The following LPP variants were observed in gnomAD, a reference collection of about 807,000 sequenced individuals.
LPP encodes the protein lipoma-preferred partner.
A neutral mutation model predicts 60.4 loss-of-function variants in LPP; 38 were observed. That is an observed-to-expected ratio of 0.63 (90% CI 0.49 to 0.83). LPP has a LOEUF of 0.83. LPP is among the 40% of genes least tolerant of loss of function. The probability of loss-of-function intolerance (pLI) is 0.00; values close to 1 mark genes in which losing one functional copy is unlikely to be tolerated. For missense variants in LPP, 902 were observed against 783.6 expected (o/e 1.15, Z -1.80); for synonymous variants, 328 against 290.8 (o/e 1.13, Z -1.30).
At position 188,260,768 on chromosome 3, in the gene LPP, C is replaced by A. The variant is rs568471788; in HGVS notation, c.-67+35241C>A. 4.6e-5 allele frequency among the ~76,000 whole-genome samples: 7 copies of A among 152,216 alleles called. No individual in the cohort carries two copies. The East Asian group carries it at 1.4e-3, about 29-fold the overall frequency. ...TGTTTCTGGGCTGGGCGCGGTGGTT[C>A]ACGCCTGTAATCCCAGCACTTTGGG... On this transcript the variant is annotated intron_variant, in intron 2 of 11. Coordinates refer to ENST00000617246, the MANE Select transcript of LPP (RefSeq NM_001375462.1).
intron 4 of LPP, among the ~76,000 whole-genome samples, chr3:188,478,169 G>C (rs1179364755): frequency 1.3e-5 from 2 of 152,094 alleles, no homozygotes; most frequent in Admixed American, 1.3e-4. Flanking sequence ...AGGGAGCTTG[G>C]TCTCCTCCTC....
chr3:188,276,694 TTTC>T lies in LPP; in HGVS notation c.-67+51169_-67+51171del, dbSNP rs1739904821. On this transcript the variant is annotated intron_variant, in intron 2 of 11. Coordinates refer to ENST00000617246, the MANE Select transcript of LPP (RefSeq NM_001375462.1). ...GTCTCTCTCTCTCTCTCTCTCTCTC[TTTC>T]TCTCTCTCTCTCTCTCTCTCTCTCT... Among the ~76,000 whole-genome samples, 276 of 15,576 alleles carry T rather than the reference TTTC, an allele frequency of 0.018. No individual in the cohort carries two copies. The African/African-American group carries it at 0.18, about 10-fold the overall frequency. The allele number at this position is 15,576 out of a possible 152,430, so 10.2% of individuals were successfully genotyped here.
intron 7 of LPP, among the ~76,000 whole-genome samples, chr3:188,666,984 G>T (rs1855924854): frequency 6.6e-6 from 1 of 152,130 alleles, no homozygotes; most frequent in Non-Finnish European, 1.5e-5. Context: ...TCTGCACACA[G>T]TAAAACAGTG....
chr3:188,254,350 A>G (rs1730939155), intron 2 of LPP, among the ~76,000 whole-genome samples: 1 of 152,180 alleles, frequency 6.6e-6, no homozygotes, highest in African/African-American at 2.4e-5. Flanking sequence ...TGGTCAGTAC[A>G]GTTTGTATCT....
chr3:188,546,115 C>T (rs990963502), intron 6 of LPP, among the ~76,000 whole-genome samples: 1 of 152,056 alleles, frequency 6.6e-6, no homozygotes, highest in Non-Finnish European at 1.5e-5. Flanking sequence ...CCTGTGATGA[C>T]GTGGTCCTTC....
At chr3:188,478,966 C>A (rs1455485500) in intron 4 of LPP, among the ~76,000 whole-genome samples, 2 of 152,066 alleles carry the variant, frequency 1.3e-5, no homozygotes, top group Admixed American at 1.3e-4. Flanking sequence ...GTTGCCCAGG[C>A]TGGTCTTGAA....
intron 2 of LPP, among the ~76,000 whole-genome samples, chr3:188,275,785 C>G (rs1269353895): frequency 1.3e-5 from 2 of 152,118 alleles, no homozygotes; most frequent in African/African-American, 4.8e-5. Flanking sequence ...AAGCGATTCT[C>G]CTGCCTCAGC....
chr3:188,820,944 A>G (rs538593936), intron 9 of LPP, among the ~76,000 whole-genome samples: 3 of 152,068 alleles, frequency 2.0e-5, no homozygotes, highest in Non-Finnish European at 4.4e-5. Context: ...TGTCCATGTC[A>G]TCGTTTACAT....
At chr3:188,614,008 A>G (rs1386634165) in intron 7 of LPP, among the ~76,000 whole-genome samples, 1 of 151,212 alleles carries the variant, frequency 6.6e-6, no homozygotes, top group African/African-American at 2.4e-5. Context: ...GCTCACTGCA[A>G]CCTCCACCTC....
chr3:188,883,732 C>CAAAAA lies in LPP; in HGVS notation c.*9271_*9275dup, dbSNP rs71169028. ...TGGGCGACAGAACGAGACTCCGTCT[C>CAAAAA]AAAAAAAAAAAAAAAAAAAAAAGGT... is the stretch of plus-strand genomic sequence containing the variant. On this transcript the variant is annotated 3_prime_UTR_variant, in exon 12 of 12. Coordinates refer to ENST00000617246, the MANE Select transcript of LPP (RefSeq NM_001375462.1). The CAAAAA allele has an allele frequency of 8.1e-3, 564 of 69,964 alleles. 27 individuals carry two copies. Among genetic ancestry groups the CAAAAA allele is most frequent in the Middle Eastern group, 0.038 (5 of 132 alleles). The allele number at this position is 69,964 out of a possible 1,614,324, so 4.3% of individuals were successfully genotyped here.
chr3:188,240,089 G>C (rs555939387), intron 2 of LPP: 1 of 196,500 alleles, frequency 5.1e-6, no homozygotes, highest in Admixed American at 6.1e-5. Context: ...AGTTCATGGA[G>C]CTGGCAGATG....
At chr3:188,233,444 A>T (rs1010368207) in intron 2 of LPP, among the ~76,000 whole-genome samples, 2 of 152,144 alleles carry the variant, frequency 1.3e-5, no homozygotes, top group Non-Finnish European at 2.9e-5. Flanking sequence ...TCAGGATGAG[A>T]TCACCTCACC....
intron 7 of LPP, among the ~76,000 whole-genome samples, chr3:188,689,777 G>A (rs1030172505): frequency 3.9e-5 from 6 of 152,184 alleles, no homozygotes; most frequent in Admixed American, 6.5e-5. Flanking sequence ...CCACAGAAGT[G>A]AAGTGACTTG....
At chr3:188,329,884 A>G (rs892050996) in intron 2 of LPP, among the ~76,000 whole-genome samples, 2 of 152,200 alleles carry the variant, frequency 1.3e-5, no homozygotes, top group African/African-American at 4.8e-5. Flanking sequence ...GCCATTCTTT[A>G]CCTAAATTAA....
intron 7 of LPP, among the ~76,000 whole-genome samples, chr3:188,664,020 G>A (rs1052382096): frequency 1.3e-5 from 2 of 152,202 alleles, no homozygotes; most frequent in Non-Finnish European, 2.9e-5. Context: ...GGGGACACCT[G>A]TTACAGAATT....
At position 188,820,342 on chromosome 3, in the gene LPP, ACT is replaced by A. The variant is rs1239119364; in HGVS notation, c.1411-45856_1411-45855del. On this transcript the variant is annotated intron_variant, in intron 9 of 11. Coordinates refer to ENST00000617246, the MANE Select transcript of LPP (RefSeq NM_001375462.1). ...TTGAGTCAAGAACAGAGGAGAGGAGACTCAGGCTGAAAATGTCAAGTTATTTT... is the reference window on the plus strand; with the variant it reads ...TTGAGTCAAGAACAGAGGAGAGGAGACAGGCTGAAAATGTCAAGTTATTTT... Among the ~76,000 whole-genome samples, 67 of 151,482 alleles carry A rather than the reference ACT, an allele frequency of 4.4e-4. 1 individual carries two copies. Among genetic ancestry groups the A allele is most frequent in the Admixed American group, 4.4e-3 (67 of 15,160 alleles).
At chr3:188,439,739 C>A (rs1426807189) in intron 4 of LPP, among the ~76,000 whole-genome samples, 1 of 152,188 alleles carries the variant, frequency 6.6e-6, no homozygotes, top group East Asian at 1.9e-4. Flanking sequence ...ATCATAGGCA[C>A]TGAGGATGCA....
At chr3:188,616,577 T>G in intron 7 of LPP, among the ~76,000 whole-genome samples, 1 of 65,684 alleles carries the variant, frequency 1.5e-5, no homozygotes, top group Admixed American at 2.1e-4. Flanking sequence ...AGGCTCTTTT[T>G]CATTTCTATG....
rs1480360616 is a variant in LPP at position 188,250,776 on chromosome 3, T to TTCTGTCTGTCTTTCTTTC, written c.-67+25252_-67+25253insGTCTGTCTTTCTTTCTCT. On this transcript the variant is annotated intron_variant, in intron 2 of 11. Transcript: ENST00000617246. ...TTTCTTTCTTTCTTTCTTTCTTTCT[T>TTCTGTCTGTCTTTCTTTC]TCTTTCTTTCTGTCTTTCTCTTTCT... Among the ~76,000 whole-genome samples, 363 of 121,826 alleles carry TTCTGTCTGTCTTTCTTTC rather than the reference T, an allele frequency of 3.0e-3. 2 individuals carry two copies. Among genetic ancestry groups the TTCTGTCTGTCTTTCTTTC allele is most frequent in the African/African-American group, 0.011 (335 of 30,678 alleles). The allele number at this position is 121,826 out of a possible 152,430, so 79.9% of individuals were successfully genotyped here.
Sources: gnomAD v4.1 joint callset for allele counts (sites outside exome capture counted in the v4.1 genomes callset) on GRCh38, gnomAD v4.1.1 for gene constraint, MANE v1.5 for transcripts, NCBI Gene and HGNC (gene_info 2026-07-23, HGNC 2026-07-21) for gene names.